PDXDC1: variants seen among roughly 807,000 people sequenced by gnomAD.
The protein encoded by PDXDC1 is pyridoxal-dependent decarboxylase domain-containing protein 1.
PDXDC1 carries 42 observed loss-of-function variants against 100.1 expected under a neutral mutation model. The observed-to-expected ratio is 0.42, with a 90% CI of 0.33 to 0.54. The LOEUF (loss-of-function observed/expected upper bound fraction) is 0.54. Ranked by LOEUF, PDXDC1 falls within the 20% of genes least tolerant of loss-of-function variation. The pLI, the probability that PDXDC1 is intolerant of heterozygous loss-of-function variation, is 0.10. For missense variants in PDXDC1, 636 were observed against 979.2 expected (o/e 0.65, Z 4.68); for synonymous variants, 260 against 371.7 (o/e 0.70, Z 3.46).
chr16:15,015,945 C>A, intron 8 of PDXDC1, 184 bp from the exon 9 acceptor site: 2 of 1,287,840 alleles, frequency 1.6e-6, no homozygotes, highest in Non-Finnish European at 1.0e-6. Flanking sequence ...ACATACTCTT[C>A]AAAGCTTGTA....
In PDXDC1 at chr16:15,082,342, T is replaced by C. The variant is rs536027754; in HGVS notation, c.1399+52286T>C. 1.6e-3 allele frequency among the ~76,000 whole-genome samples: 238 copies of C among 152,234 alleles called. 2 individuals are homozygous for C. Among genetic ancestry groups the C allele is most frequent in the Non-Finnish European group, 9.7e-4 (66 of 68,010 alleles). On this transcript the variant is annotated intron_variant, in intron 16 of 16. Coordinates refer to the PDXDC1 transcript ENST00000535621. ...TATGTGGTTTTTGTCCTTTGTTCTATTGCTACAAAATATTTTATTAATTCA... is the reference window on the plus strand; with the variant it reads ...TATGTGGTTTTTGTCCTTTGTTCTACTGCTACAAAATATTTTATTAATTCA...
At chr16:15,077,870 T>C (rs2045532311) in intron 16 of PDXDC1, among the ~76,000 whole-genome samples, 1 of 152,030 alleles carries the variant, frequency 6.6e-6, no homozygotes, top group African/African-American at 2.4e-5. Flanking sequence ...CTCTTTTTCT[T>C]CCCAGGCTCA....
intron 16 of PDXDC1, among the ~76,000 whole-genome samples, chr16:15,031,444 C>G (rs1197061874): frequency 6.6e-6 from 1 of 152,146 alleles, no homozygotes; most frequent in Non-Finnish European, 1.5e-5. Flanking sequence ...ATGTCTCCAG[C>G]CTGCCTGAAG....
At position 14,975,123 on chromosome 16, in the gene PDXDC1, A is replaced by T; in HGVS notation, c.-77A>T. 2 of 1,471,164 alleles carry T rather than the reference A, an allele frequency of 1.4e-6. No homozygotes were observed. The highest frequency in any genetic ancestry group is 2.8e-5 in the Admixed American group (1 of 36,018). The allele number at this position is 1,471,164 out of a possible 1,614,324, so 91.1% of individuals were successfully genotyped here. A position where few individuals can be genotyped will look rare whatever the true frequency, so the allele number is the denominator to read the frequency against. ...GGGCGCGGGGGACGTCAGCGCTGCC[A>T]GCGTGGAAGGAGCTGCGGGGCGCGG... On this transcript the variant is annotated 5_prime_UTR_variant, in exon 1 of 23. Coordinates refer to ENST00000396410, the MANE Select transcript of PDXDC1 (RefSeq NM_015027.4).
At chr16:15,128,962 C>T (rs558429782) in intron 16 of PDXDC1, among the ~76,000 whole-genome samples, 75 of 150,216 alleles carry the variant, frequency 5.0e-4, no homozygotes, top group African/African-American at 1.5e-3. Flanking sequence ...CCTGCCAACA[C>T]GCCGGCCTAA....
chr16:14,984,315 CTTTT>C (rs1167894912), intron 1 of PDXDC1, among the ~76,000 whole-genome samples: 3 of 106,842 alleles, frequency 2.8e-5, no homozygotes, highest in East Asian at 3.8e-4. Flanking sequence ...GCACCCCCGC[CTTTT>C]TTTTTTTTTT....
intron 16 of PDXDC1, chr16:15,130,789 G>A (rs764616970): frequency 2.5e-5 from 26 of 1,026,904 alleles, no homozygotes; most frequent in African/African-American, 4.3e-5. Context: ...GACAGGTAGC[G>A]GCCTGGGGCA....
the PDXDC1 span, among the ~76,000 whole-genome samples, chr16:15,145,053 T>C: frequency 6.6e-6 from 1 of 152,146 alleles, no homozygotes; most frequent in Non-Finnish European, 1.5e-5. Context: ...ACTGACCTTA[T>C]GCTCCTGATG....
intron 16 of PDXDC1, chr16:15,127,236 C>T (rs1342436923): frequency 2.8e-5 from 13 of 457,688 alleles, no homozygotes; most frequent in Admixed American, 1.7e-4. Flanking sequence ...TGCAGTTGTC[C>T]GTGGCGTCTG....
intron 1 of PDXDC1, among the ~76,000 whole-genome samples, chr16:14,982,274 A>G (rs1159339750): frequency 6.6e-6 from 1 of 152,312 alleles, no homozygotes; most frequent in Non-Finnish European, 1.5e-5. Context: ...TCAAGCGTAG[A>G]GACCATGATG....
intron 16 of PDXDC1, among the ~76,000 whole-genome samples, chr16:15,117,534 A>G (rs1322062758): frequency 6.6e-6 from 1 of 151,428 alleles, no homozygotes; most frequent in Admixed American, 6.6e-5. Flanking sequence ...GTCTACTAAA[A>G]ATACACAAAT....
chr16:15,142,308 A>G (rs2048487925), downstream of PDXDC1, among the ~76,000 whole-genome samples: 1 of 151,996 alleles, frequency 6.6e-6, no homozygotes, highest in Admixed American at 6.5e-5. Flanking sequence ...CCATGCCAGC[A>G]GGCAGCCCCG....
At position 15,104,872 on chromosome 16, in the gene PDXDC1, A is replaced by G. The variant is rs1224829880; in HGVS notation, c.1400-34007A>G. The stretch of plus-strand genomic sequence containing the variant: ...TGGTGATAGATTTTTGCACCTTTCC[A>G]TCCTCCAGGTTTCAAAATAGCAGTA... On this transcript the variant is annotated intron_variant, in intron 16 of 16. Coordinates refer to the PDXDC1 transcript ENST00000535621. 3.3e-6 allele frequency: 5 copies of G among 1,523,562 alleles called. No individual in the cohort carries two copies. The East Asian group carries it at 9.6e-5, about 29-fold the overall frequency. 94.4% of individuals were successfully genotyped at this position (1,523,562 alleles called of 1,614,324 possible).
Position 15,047,110 on chromosome 16 carries a change from C to T in PDXDC1, c.1399+17054C>T, listed in dbSNP as rs182319727. ...AGAGGAAGCATTTAACAAGCAACTGCGGGAGGAATGACTGCATGGAGAGCT... is the reference window on the plus strand; with the variant it reads ...AGAGGAAGCATTTAACAAGCAACTGTGGGAGGAATGACTGCATGGAGAGCT... On this transcript the variant is annotated intron_variant, in intron 16 of 16. Transcript: ENST00000535621. 89 of 324,008 alleles carry T rather than the reference C, an allele frequency of 2.7e-4. No individual in the cohort carries two copies. The East Asian group carries it at 4.6e-3, about 17-fold the overall frequency. The allele number at this position is 324,008 out of a possible 1,614,324, so 20.1% of individuals were successfully genotyped here.
At chr16:14,977,174 G>C (rs1453675060) in intron 1 of PDXDC1, among the ~76,000 whole-genome samples, 2 of 151,604 alleles carry the variant, frequency 1.3e-5, no homozygotes, top group Non-Finnish European at 2.9e-5. Context: ...AAATTGTAGT[G>C]ATCTTTTAGG....
rs9746293 is a variant in PDXDC1 at position 15,111,106 on chromosome 16, C to T, written c.1400-27773C>T. ...TCACACCACTGCACTCCAGCCTGAGCGACAGAATGAGACTCTGTCACACAC... is the reference window on the plus strand; with the variant it reads ...TCACACCACTGCACTCCAGCCTGAGTGACAGAATGAGACTCTGTCACACAC... On this transcript the variant is annotated intron_variant, in intron 16 of 16. Coordinates refer to the PDXDC1 transcript ENST00000535621. Among the ~76,000 whole-genome samples the T allele has an allele frequency of 6.6e-4, 91 of 137,434 alleles. 1 individual carries two copies. Among genetic ancestry groups the T allele is most frequent in the African/African-American group, 1.2e-3 (48 of 38,870 alleles). 90.2% of individuals were successfully genotyped at this position (137,434 alleles called of 152,430 possible).
chr16:15,012,938 G>A (rs1487081298), intron 8 of PDXDC1, among the ~76,000 whole-genome samples: 9 of 152,356 alleles, frequency 5.9e-5, no homozygotes, highest in Admixed American at 2.0e-4. Context: ...TTGGGAGGCC[G>A]AGGCGGGCAG....
intron 3 of PDXDC1, among the ~76,000 whole-genome samples, chr16:14,999,919 A>G (rs1597396373): frequency 1.3e-5 from 2 of 152,276 alleles, no homozygotes; most frequent in Non-Finnish European, 2.9e-5. Flanking sequence ...TCCCTTAAAT[A>G]TCCTTTGACT....
At chr16:15,124,759 G>A (rs1180063367) in intron 16 of PDXDC1, among the ~76,000 whole-genome samples, 23 of 149,684 alleles carry the variant, frequency 1.5e-4, no homozygotes, top group Middle Eastern at 3.5e-3. Flanking sequence ...GCGACAGAGC[G>A]AGACTCTGTC....
Sources: gnomAD v4.1 joint callset for allele counts (sites outside exome capture counted in the v4.1 genomes callset) on GRCh38, gnomAD v4.1.1 for gene constraint, MANE v1.5 for transcripts, NCBI Gene and HGNC (gene_info 2026-07-23, HGNC 2026-07-21) for gene names.